Variants in THSD4 observed in about 807,000 individuals in gnomAD.
THSD4 encodes the protein thrombospondin type 1 domain containing 4, also known as thrombospondin type-1 domain-containing protein 4.
In THSD4, 69 loss-of-function variants were observed where a neutral mutation model predicts 119.0. The ratio of observed to expected loss-of-function variants is 0.58; its 90% CI spans 0.48 to 0.71. THSD4 has a LOEUF of 0.71. Ranked by LOEUF, THSD4 falls within the 30% of genes least tolerant of loss-of-function variation. The pLI is 0.00. For synonymous variants in THSD4, 524 were observed against 540.4 expected (o/e 0.97, Z 0.42); for missense variants, 1,393 against 1,391.1 (o/e 1.00, Z -0.02).
chr15:71,144,287 A>T (rs970369985), intron 2 of THSD4, among the ~76,000 whole-genome samples: 1 of 152,128 alleles, frequency 6.6e-6, no homozygotes, highest in African/African-American at 2.4e-5. Context: ...GGCCATGTAA[A>T]TATATTTTTA....
chr15:71,183,513 G>A (rs1408377083), intron 3 of THSD4, among the ~76,000 whole-genome samples: 3 of 151,642 alleles, frequency 2.0e-5, no homozygotes, highest in African/African-American at 4.8e-5. Context: ...TACCTATCAC[G>A]TAGGTTGTCT....
intron 7 of THSD4, among the ~76,000 whole-genome samples, chr15:71,513,488 A>G (rs979392199): frequency 2.0e-5 from 3 of 152,264 alleles, no homozygotes; most frequent in Non-Finnish European, 2.9e-5. Context: ...TGAAGGGCCA[A>G]TAATTACATG....
At chr15:71,448,738 A>ACTTTT (rs2047223468) in intron 7 of THSD4, among the ~76,000 whole-genome samples, 8 of 152,170 alleles carry the variant, frequency 5.3e-5, no homozygotes, top group Non-Finnish European at 1.0e-4. Context: ...AAGATGTAGG[A>ACTTTT]AGGAATGATT....
At chr15:71,126,853 G>A (rs1269545017) in intron 1 of THSD4, among the ~76,000 whole-genome samples, 2 of 152,222 alleles carry the variant, frequency 1.3e-5, no homozygotes, top group African/African-American at 4.8e-5. Context: ...GGCACAAAGT[G>A]ATGCTATGAT....
intron 7 of THSD4, among the ~76,000 whole-genome samples, chr15:71,617,662 A>G (rs1159035171): frequency 6.6e-6 from 1 of 152,230 alleles, no homozygotes; most frequent in Non-Finnish European, 1.5e-5. Context: ...TCTTAAAAAT[A>G]CAGATGTTAT....
intron 3 of THSD4, among the ~76,000 whole-genome samples, chr15:71,177,738 C>T (rs2043459801): frequency 9.4e-6 from 1 of 106,056 alleles, no homozygotes; most frequent in Non-Finnish European, 1.9e-5. Context: ...CAAAAATCCT[C>T]AATAAAATAC....
chr15:71,579,920 G>C (rs2140912821), intron 7 of THSD4, among the ~76,000 whole-genome samples: 1 of 151,614 alleles, frequency 6.6e-6, no homozygotes, highest in East Asian at 1.9e-4. Context: ...TTTTTGAGGA[G>C]GGTGATGCTC....
rs1416276288 is a variant in THSD4 at position 71,180,168 on chromosome 15, AAAT to A, written c.99+25239_99+25241del. On this transcript the variant is annotated intron_variant, in intron 3 of 17. Coordinates refer to ENST00000261862, the MANE Select transcript of THSD4 (RefSeq NM_024817.3). ...AAAAAAAAAACATTAAAAAAAAAAA[AAAT>A]AAAAAAAAAAAAAGACACTATCAAC... Among the ~76,000 whole-genome samples, 190 of 27,514 alleles carry A rather than the reference AAAT, an allele frequency of 6.9e-3. 1 individual carries two copies. The highest frequency in any genetic ancestry group is 0.013 in the Admixed American group (16 of 1,260). The allele number at this position is 27,514 out of a possible 152,430, so 18.1% of individuals were successfully genotyped here.
At chr15:71,478,089 C>A (rs1272156565) in intron 7 of THSD4, among the ~76,000 whole-genome samples, 1 of 152,154 alleles carries the variant, frequency 6.6e-6, no homozygotes, top group East Asian at 1.9e-4. Flanking sequence ...TCCATAACAG[C>A]ATCTTAATGA....
chr15:71,354,912 T>G (rs919078735), intron 6 of THSD4, among the ~76,000 whole-genome samples: 1 of 152,224 alleles, frequency 6.6e-6, no homozygotes, highest in Non-Finnish European at 1.5e-5. Context: ...TCCAGTAAAC[T>G]TCACACTCCT....
At chr15:71,599,894 C>G (rs2049974639) in intron 7 of THSD4, among the ~76,000 whole-genome samples, 1 of 152,204 alleles carries the variant, frequency 6.6e-6, no homozygotes, top group Non-Finnish European at 1.5e-5. Context: ...AAGCTCCTTT[C>G]CAGCTGCAGA....
chr15:71,694,734 T>C (rs2052126535), intron 8 of THSD4, among the ~76,000 whole-genome samples: 1 of 152,168 alleles, frequency 6.6e-6, no homozygotes, highest in East Asian at 1.9e-4. Context: ...CATGCTGTTA[T>C]AACTCTGTGT....
chr15:71,724,287 A>ATATATATATATATATATATATATTT lies in THSD4; in HGVS notation c.1358-4261_1358-4260insATATATATATATATATATATATTTT. 4.2e-3 allele frequency among the ~76,000 whole-genome samples: 155 copies of ATATATATATATATATATATATATTT among 37,122 alleles called. 1 individual carries two copies. Among genetic ancestry groups the ATATATATATATATATATATATATTT allele is most frequent in the Middle Eastern group, 0.02 (1 of 50 alleles). The allele number at this position is 37,122 out of a possible 152,430, so 24.4% of individuals were successfully genotyped here. A position where few individuals can be genotyped will look rare whatever the true frequency, so the allele number is the denominator to read the frequency against. ...ATGGGATATATATATATATATATAT[A>ATATATATATATATATATATATATTT]TTTTTTTTTTCCCCCCAAGATGGAA... is the stretch of plus-strand genomic sequence containing the variant. On this transcript the variant is annotated intron_variant, in intron 8 of 17. Transcript: ENST00000261862.
intron 7 of THSD4, among the ~76,000 whole-genome samples, chr15:71,643,561 G>T (rs1370969258): frequency 2.0e-5 from 3 of 152,170 alleles, no homozygotes; most frequent in Non-Finnish European, 4.4e-5. Context: ...AACATGTGGT[G>T]TTTGGTTTTC....
Position 71,547,240 on chromosome 15 carries a change from C to T in THSD4, c.1153-113290C>T, listed in dbSNP as rs994365574. The T allele has an allele frequency of 3.6e-6, 5 of 1,405,616 alleles. No individual in the cohort carries two copies. In the African/African-American group the frequency reaches 7.3e-5, roughly 21 times the overall value. 87.1% of individuals were successfully genotyped at this position (1,405,616 alleles called of 1,614,324 possible). ...ATCAGCTTACCAGTTTTCTTCAGAA[C>T]AGAGGCTGAGCTCGAAGCGCCGGGC... is the stretch of plus-strand genomic sequence containing the variant. On this transcript the variant is annotated intron_variant, in intron 7 of 17. Transcript: ENST00000261862.
intron 8 of THSD4, among the ~76,000 whole-genome samples, chr15:71,674,729 G>A (rs2051604705): frequency 6.6e-6 from 1 of 152,136 alleles, no homozygotes; most frequent in Admixed American, 6.5e-5. Context: ...TTTGGCAATG[G>A]CTGGAGGCAT....
At chr15:71,291,144 A>ACCC (rs2044786644) in intron 6 of THSD4, among the ~76,000 whole-genome samples, 1 of 150,890 alleles carries the variant, frequency 6.6e-6, no homozygotes, top group South Asian at 2.1e-4. Flanking sequence ...CACCCTAATC[A>ACCC]CCCCCATGTA....
chr15:71,394,592 C>T lies in THSD4; in HGVS notation c.1016-17095C>T, dbSNP rs537693644. Among the ~76,000 whole-genome samples, 366 of 152,220 alleles carry T rather than the reference C, an allele frequency of 2.4e-3. 3 individuals carry two copies. The highest frequency in any genetic ancestry group is 6.2e-3 in the South Asian group (30 of 4,820). On this transcript the variant is annotated intron_variant, in intron 6 of 17. Transcript: ENST00000261862. ...GATTGGCCTTTTCACTCCTCCTCCT[C>T]CTGCCGCAGAGCATGTGCATAGGCT... is the stretch of plus-strand genomic sequence containing the variant.
At chr15:71,163,422 G>A (rs1313760881) in intron 3 of THSD4, among the ~76,000 whole-genome samples, 2 of 151,940 alleles carry the variant, frequency 1.3e-5, no homozygotes, top group Admixed American at 6.5e-5. Context: ...TTATAAGAAC[G>A]CTATTTTAAA....
Sources: allele counts gnomAD v4.1 joint callset (sites outside exome capture counted in the v4.1 genomes callset), GRCh38; gene constraint gnomAD v4.1.1; transcripts MANE v1.5; gene names NCBI Gene and HGNC (gene_info 2026-07-23, HGNC 2026-07-21).